NYAP1: variants seen among roughly 807,000 people sequenced by gnomAD.
The protein encoded by NYAP1 is neuronal tyrosine phosphorylated phosphoinositide-3-kinase adaptor 1.
A neutral mutation model predicts 58.6 loss-of-function variants in NYAP1; 20 were observed. That is an observed-to-expected ratio of 0.34 (90% CI 0.24 to 0.50). The LOEUF is 0.50. NYAP1 is among the 20% of genes least tolerant of loss of function. NYAP1 has a pLI of 0.98. For synonymous variants in NYAP1, 572 were observed against 523.1 expected (o/e 1.09, Z -1.27); for missense variants, 1,150 against 1,194.5 (o/e 0.96, Z 0.55).
In NYAP1 at chr7:100,488,585, G is replaced by C. The variant is rs751615498; in HGVS notation, c.864G>C (p.Pro288=). Residue 288 remains proline, a synonymous_variant, in exon 4 of 7, where the codon CCG becomes CCC. Transcript: ENST00000300179. This position sits in a 1 kb window ranked among gnomAD's most constrained non-coding sequence, Gnocchi z 5.9. ...CTCCACCATTGACGGCAACATCCCCGCCACAACAGCCTCACGCCCTTCCGC... is the reference window on the plus strand; with the variant it reads ...CTCCACCATTGACGGCAACATCCCCCCCACAACAGCCTCACGCCCTTCCGC... ...NGPPPLTATS[P]PQQPHALPPH... is the part of the protein sequence containing the mutation. The C allele has an allele frequency of 1.9e-6, 3 of 1,610,928 alleles. No individual in the cohort carries two copies. The South Asian group carries it at 3.3e-5, about 18-fold the overall frequency.
Position 100,486,961 on chromosome 7 carries a change from C to G in NYAP1, c.209C>G (p.Thr70Ser), listed in dbSNP as rs1799712421. The G allele has an allele frequency of 6.2e-7, 1 of 1,606,230 alleles. No individual in the cohort carries two copies. Among genetic ancestry groups the G allele is most frequent in the Non-Finnish European group, 8.5e-7 (1 of 1,177,046 alleles). The change falls in exon 3 of 7, where the codon ACC (threonine) becomes AGC (serine). Residue 70 changes from threonine (T) to serine (S), a missense_variant. By Grantham distance (58) the Thr-to-Ser change is moderately conservative. Coordinates refer to ENST00000300179, the MANE Select transcript of NYAP1 (RefSeq NM_173564.4). The surrounding 1 kb of genome is among the most constrained non-coding windows in gnomAD (Gnocchi z 6.2). ...ACGATGCCCGCCTCCCAGGAGCACACCCCGCACCCCTGCCGCAGCGCCATG... is the reference window on the plus strand; with the variant it reads ...ACGATGCCCGCCTCCCAGGAGCACAGCCCGCACCCCTGCCGCAGCGCCATG... ...FMTMPASQEH[T>S]PHPCRSAMAP...
At position 100,488,137 on chromosome 7, in the gene NYAP1, T is replaced by A; in HGVS notation, c.431-15T>A. 6.4e-7 allele frequency: 1 copy of A among 1,557,728 alleles called. No individual in the cohort carries two copies. Among genetic ancestry groups the A allele is most frequent in the Non-Finnish European group, 8.6e-7 (1 of 1,156,522 alleles). ...TAAAAGCCTGGTTTATTTTTCTCTT[T>A]CTTGTCCTGTCCAGGCTCACAGAAG... is the stretch of plus-strand genomic sequence containing the variant. On this transcript the variant is annotated splice_polypyrimidine_tract_variant and intron_variant, in intron 3 of 6. Transcript: ENST00000300179. This position sits in a 1 kb window ranked among gnomAD's most constrained non-coding sequence, Gnocchi z 5.9.
At position 100,489,362 on chromosome 7, in the gene NYAP1, G is replaced by C; in HGVS notation, c.1641G>C (p.Pro547=). ...LPDPTVGPLT[P]LWTYPATAAG... ...ACCCAACTGTAGGCCCCCTGACCCC[G>C]CTGTGGACCTACCCAGCCACAGCAG... Residue 547 remains proline, a synonymous_variant, in exon 4 of 7, where the codon CCG becomes CCC. Transcript: ENST00000300179. 1 of 1,612,228 alleles carries C rather than the reference G, an allele frequency of 6.2e-7. No homozygotes were observed. The highest frequency in any genetic ancestry group is 1.1e-5 in the South Asian group (1 of 91,026).
Position 100,487,692 on chromosome 7 carries a change from A to G in NYAP1, c.431-460A>G, listed in dbSNP as rs1224476718. ...AATTTTTTGTATTTTTAGTAGAGAC[A>G]GGGTTTCGTCTTGTTGGCCAGGCTG... is the stretch of plus-strand genomic sequence containing the variant. On this transcript the variant is annotated intron_variant, in intron 3 of 6. Transcript: ENST00000300179. The surrounding 1 kb of genome is among the most constrained non-coding windows in gnomAD (Gnocchi z 4.1). Among the ~76,000 whole-genome samples the G allele has an allele frequency of 6.6e-6, 1 of 152,190 alleles. No homozygotes were observed. Among genetic ancestry groups the G allele is most frequent in the African/African-American group, 2.4e-5 (1 of 41,454 alleles).
Position 100,486,857 on chromosome 7 carries a change from G to A in NYAP1, c.105G>A (p.Gly35=), listed in dbSNP as rs1156361546. The A allele has an allele frequency of 6.5e-7, 1 of 1,533,320 alleles. No homozygotes were observed. 95.0% of individuals were successfully genotyped at this position (1,533,320 alleles called of 1,614,324 possible). A position where few individuals can be genotyped will look rare whatever the true frequency, so the allele number is the denominator to read the frequency against. Residue 35 remains glycine (G), a synonymous_variant, in exon 3 of 7, where the codon GGG becomes GGA. Transcript: ENST00000300179. This position sits in a 1 kb window ranked among gnomAD's most constrained non-coding sequence, Gnocchi z 6.2. ...SKEVAPAGSA[G]PAAGQGPGVR... is the part of the protein sequence containing the mutation. ...AGGTGGCCCCCGCTGGCTCGGCTGG[G>A]CCCGCGGCCGGCCAGGGGCCTGGGG...
Position 100,486,944 on chromosome 7 carries a change from C to A in NYAP1, c.192C>A (p.Pro64=). The A allele has an allele frequency of 6.2e-7, 1 of 1,604,118 alleles. No individual in the cohort carries two copies. Among genetic ancestry groups the A allele is most frequent in the Non-Finnish European group, 8.5e-7 (1 of 1,176,232 alleles). Residue 64 remains proline (P), a synonymous_variant, in exon 3 of 7, where the codon CCC becomes CCA. Coordinates refer to ENST00000300179, the MANE Select transcript of NYAP1 (RefSeq NM_173564.4). This position sits in a 1 kb window ranked among gnomAD's most constrained non-coding sequence, Gnocchi z 6.2. ...RSLRMGFMTM[P]ASQEHTPHPC... ...TCAGGATGGGTTTCATGACGATGCCCGCCTCCCAGGAGCACACCCCGCACC... is the reference window on the plus strand; with the variant it reads ...TCAGGATGGGTTTCATGACGATGCCAGCCTCCCAGGAGCACACCCCGCACC...
Position 100,490,625 on chromosome 7 carries a change from G to C in NYAP1, c.2054G>C (p.Gly685Ala), listed in dbSNP as rs543366533. Residue 685 changes from glycine to alanine, a missense_variant, in exon 5 of 7, where the codon GGG (glycine) becomes GCG (alanine). Gly to Ala is a moderately conservative substitution (Grantham distance 60). Coordinates refer to ENST00000300179, the MANE Select transcript of NYAP1 (RefSeq NM_173564.4). This position sits in a 1 kb window ranked among gnomAD's most constrained non-coding sequence, Gnocchi z 4.6. Reference sequence around the variant, plus strand: ...TCGGGGATCCCAGTGAGAAGCCAGGGGGCAGAGGGACTGCTGGCCAGGATC... The same window carrying C: ...TCGGGGATCCCAGTGAGAAGCCAGGCGGCAGAGGGACTGCTGGCCAGGATC... The part of the protein sequence containing the change: ...GTSGIPVRSQ[G>A]AEGLLARIHH... 1 of 1,573,618 alleles carries C rather than the reference G, an allele frequency of 6.4e-7. No individual in the cohort carries two copies. The highest frequency in any genetic ancestry group is 1.3e-5 in the African/African-American group (1 of 74,498).
In NYAP1 at chr7:100,486,254, G is replaced by A. The variant is rs1799700848; in HGVS notation, c.69-567G>A. 6.6e-6 allele frequency among the ~76,000 whole-genome samples: 1 copy of A among 152,106 alleles called. No individual in the cohort carries two copies. The highest frequency in any genetic ancestry group is 1.5e-5 in the Non-Finnish European group (1 of 68,024). On this transcript the variant is annotated intron_variant, in intron 2 of 6. Coordinates refer to ENST00000300179, the MANE Select transcript of NYAP1 (RefSeq NM_173564.4). The surrounding 1 kb of genome is among the most constrained non-coding windows in gnomAD (Gnocchi z 6.2). ...CTCAGGGACAGTGGAATGGAATGGG[G>A]GTGAGCCGGGGAGGCTGACAGAGAG...
Position 100,487,064 on chromosome 7 carries a change from C to A in NYAP1, c.312C>A (p.Gly104=). The A allele has an allele frequency of 3.8e-6, 6 of 1,599,676 alleles. No individual in the cohort carries two copies. The highest frequency in any genetic ancestry group is 5.1e-6 in the Non-Finnish European group (6 of 1,173,052). ...VGGGPGGASG[G]LTEDSSTRRP... is the part of the protein sequence containing the mutation. ...GTGGCCCTGGCGGGGCCAGTGGGGG[C>A]CTCACAGAGGACAGCAGCACCCGAA... The change falls in exon 3 of 7, where the codon GGC becomes GGA. Residue 104 remains glycine, a synonymous_variant. Transcript: ENST00000300179. The surrounding 1 kb of genome is among the most constrained non-coding windows in gnomAD (Gnocchi z 4.1).
At position 100,488,062 on chromosome 7, in the gene NYAP1, G is replaced by C; in HGVS notation, c.431-90G>C. The C allele has an allele frequency of 1.1e-6, 1 of 919,460 alleles. No homozygotes were observed. Among genetic ancestry groups the C allele is most frequent in the Non-Finnish European group, 1.6e-6 (1 of 607,656 alleles). The allele number at this position is 919,460 out of a possible 1,614,324, so 57.0% of individuals were successfully genotyped here. ...AAAAGGAAGAGGCAGATATGTCCTT[G>C]CAGAAGGGTCAAGGGATCAGAATGG... On this transcript the variant is annotated intron_variant, in intron 3 of 6. Transcript: ENST00000300179. This position sits in a 1 kb window ranked among gnomAD's most constrained non-coding sequence, Gnocchi z 5.9.
Position 100,489,189 on chromosome 7 carries a change from AAGG to A in NYAP1, c.1471_1473del (p.Glu491del), listed in dbSNP as rs749116287. On this transcript the variant is annotated inframe_deletion, in exon 4 of 7. Coordinates refer to ENST00000300179, the MANE Select transcript of NYAP1 (RefSeq NM_173564.4). ...GGGTGCTGGGGAGCCAAAGACGGAG[AAGG>A]AGATCTCGGTCCTCCATGGGATGCT... 6.2e-7 allele frequency: 1 copy of A among 1,611,160 alleles called. No individual in the cohort carries two copies. Among genetic ancestry groups the A allele is most frequent in the East Asian group, 2.2e-5 (1 of 44,832 alleles).
chr7:100,488,130 TTC>T lies in NYAP1; in HGVS notation c.431-18_431-17del. On this transcript the variant is annotated intron_variant, in intron 3 of 6. Coordinates refer to ENST00000300179, the MANE Select transcript of NYAP1 (RefSeq NM_173564.4). The surrounding 1 kb of genome is among the most constrained non-coding windows in gnomAD (Gnocchi z 5.9). ...CCCTCATTAAAAGCCTGGTTTATTTTTCTCTTTCTTGTCCTGTCCAGGCTCAC... is the reference window on the plus strand; with the variant it reads ...CCCTCATTAAAAGCCTGGTTTATTTTTCTTTCTTGTCCTGTCCAGGCTCAC... 2.0e-6 allele frequency: 3 copies of T among 1,532,694 alleles called. No individual in the cohort carries two copies. Among genetic ancestry groups the T allele is most frequent in the African/African-American group, 1.4e-5 (1 of 71,914 alleles). 94.9% of individuals were successfully genotyped at this position (1,532,694 alleles called of 1,614,324 possible).
Position 100,493,628 on chromosome 7 carries a change from C to T in NYAP1, c.2269-18C>T, listed in dbSNP as rs1799827894. 1 of 1,554,422 alleles carries T rather than the reference C, an allele frequency of 6.4e-7. No individual in the cohort carries two copies. The highest frequency in any genetic ancestry group is 8.6e-7 in the Non-Finnish European group (1 of 1,158,552). ...CGACCTTACCCGCGTTTTCCTTTCT[C>T]CCCCGCCCGCGGCACAGCCCCACCC... On this transcript the variant is annotated intron_variant, in intron 6 of 6. Transcript: ENST00000300179.
chr7:100,489,158 A>G lies in NYAP1; in HGVS notation c.1437A>G (p.Pro479=), dbSNP rs556395532. Residue 479 remains proline, a synonymous_variant, in exon 4 of 7, where the codon CCA becomes CCG. Coordinates refer to ENST00000300179, the MANE Select transcript of NYAP1 (RefSeq NM_173564.4). Reference sequence around the variant, plus strand: ...CGCACTCTGTCCTGCCAGCTGGTCCACCCCTGGGTGCTGGGGAGCCAAAGA... The same window carrying G: ...CGCACTCTGTCCTGCCAGCTGGTCCGCCCCTGGGTGCTGGGGAGCCAAAGA... The part of the protein sequence containing the change: ...VTTHSVLPAG[P]PLGAGEPKTE... 6.2e-7 allele frequency: 1 copy of G among 1,609,826 alleles called. No individual in the cohort carries two copies. Among genetic ancestry groups the G allele is most frequent in the Admixed American group, 1.7e-5 (1 of 59,566 alleles).
intron 1 of NYAP1, among the ~76,000 whole-genome samples, chr7:100,484,362 G>A (rs1050333696): frequency 2.6e-4 from 40 of 152,100 alleles, no homozygotes; most frequent in African/African-American, 9.7e-4. Context: ...TTGAGGGGCG[G>A]GGACTGGAAG....
In NYAP1 at chr7:100,493,943, G is replaced by A; in HGVS notation, c.*40G>A. ...TACCGGGGCGCCTGGACTGGGGAGG[G>A]GGCGGGCACGCCTGGCTCTCCCGGG... On this transcript the variant is annotated 3_prime_UTR_variant, in exon 7 of 7. Transcript: ENST00000300179. 1 of 1,386,282 alleles carries A rather than the reference G, an allele frequency of 7.2e-7. No homozygotes were observed. Among genetic ancestry groups the A allele is most frequent in the South Asian group, 1.5e-5 (1 of 64,692 alleles). The allele number at this position is 1,386,282 out of a possible 1,614,324, so 85.9% of individuals were successfully genotyped here.
At chr7:100,491,602 A>C (rs1450959668) in intron 6 of NYAP1, among the ~76,000 whole-genome samples, 3 of 146,302 alleles carry the variant, frequency 2.1e-5, no homozygotes, top group South Asian at 4.3e-4. Flanking sequence ...GTCTTAGAAG[A>C]AAAAAAAAAA....
chr7:100,485,155 T>A lies in NYAP1; in HGVS notation c.-84-73T>A. On this transcript the variant is annotated intron_variant, in intron 1 of 6. Transcript: ENST00000300179. The surrounding 1 kb of genome is among the most constrained non-coding windows in gnomAD (Gnocchi z 5.7). ...AGTCATGTCTCTTCTCCGTTTTCTC[T>A]CTTTCATTCATCCCTGGCCCCCACC... 1 of 602,082 alleles carries A rather than the reference T, an allele frequency of 1.7e-6. No homozygotes were observed. The highest frequency in any genetic ancestry group is 3.0e-6 in the Non-Finnish European group (1 of 332,266). 37.3% of individuals were successfully genotyped at this position (602,082 alleles called of 1,614,324 possible). A position where few individuals can be genotyped will look rare whatever the true frequency, so the allele number is the denominator to read the frequency against.
chr7:100,493,282 G>A (rs1799821688), intron 6 of NYAP1, among the ~76,000 whole-genome samples: 1 of 152,178 alleles, frequency 6.6e-6, no homozygotes. Context: ...GATTGCTTGA[G>A]CCCAGGAGGT....
Sources: gnomAD v4.1 joint callset for allele counts (sites outside exome capture counted in the v4.1 genomes callset) on GRCh38, gnomAD v4.1.1 for gene constraint, Gnocchi (gnomAD v3.1) non-coding constraint, MANE v1.5 for transcripts, NCBI Gene and HGNC (gene_info 2026-07-23, HGNC 2026-07-21) for gene names.